The following NUP107 variants were observed in gnomAD, a reference collection of about 807,000 sequenced individuals.
NUP107 encodes nuclear pore complex protein Nup107.
Under a neutral mutation model 141.0 loss-of-function variants are expected in NUP107, and 101 were observed. The ratio of observed to expected loss-of-function variants is 0.72; its 90% CI spans 0.61 to 0.84. The LOEUF (loss-of-function observed/expected upper bound fraction) is 0.84. Among genes scored for constraint, NUP107 ranks in the 40% least tolerant of loss-of-function variants. NUP107 has a pLI of 0.00. For missense variants in NUP107, 941 were observed against 1,102.7 expected (o/e 0.85, Z 2.08); for synonymous variants, 319 against 363.9 (o/e 0.88, Z 1.41).
At chr12:68,693,145 T>G (rs906048237) in intron 5 of NUP107, among the ~76,000 whole-genome samples, 2 of 151,632 alleles carry the variant, frequency 1.3e-5, no homozygotes, top group African/African-American at 4.8e-5. Flanking sequence ...TGGTGCAATC[T>G]CGGCTCACTG....
At chr12:68,720,121 A>G (rs1260026663) in intron 14 of NUP107, among the ~76,000 whole-genome samples, 1 of 152,200 alleles carries the variant, frequency 6.6e-6, no homozygotes, top group Non-Finnish European at 1.5e-5. Flanking sequence ...AAGTCATCAC[A>G]ATGTACAACA....
At position 68,729,443 on chromosome 12, in the gene NUP107, A is replaced by AT. The variant is rs1225835896; in HGVS notation, c.1735-1656dup. ...TGACATACCTTTTTTTTTATTTTTT[A>AT]TTTTTTTTTTTGAGATGGAGTCTCA... On this transcript the variant is annotated intron_variant, in intron 20 of 27. Coordinates refer to ENST00000229179, the MANE Select transcript of NUP107 (RefSeq NM_020401.4). Among the ~76,000 whole-genome samples the AT allele has an allele frequency of 1.4e-3, 201 of 145,076 alleles. 2 individuals carry two copies. Among genetic ancestry groups the AT allele is most frequent in the South Asian group, 3.2e-3 (15 of 4,624 alleles).
intron 26 of NUP107, among the ~76,000 whole-genome samples, chr12:68,737,816 C>T (rs182521445): frequency 1.4e-3 from 209 of 152,260 alleles, no homozygotes; most frequent in Non-Finnish European, 2.3e-3. Flanking sequence ...AAGGCCCCTG[C>T]TAACACGTGT....
chr12:68,732,551 T>G, intron 22 of NUP107, 86 bp from the exon 23 acceptor site: 2 of 663,206 alleles, frequency 3.0e-6, no homozygotes, highest in Non-Finnish European at 5.0e-6. Flanking sequence ...GAAGTACAGG[T>G]GTAAGTTAAT....
At chr12:68,712,985 C>T (rs1876934146) in intron 10 of NUP107, among the ~76,000 whole-genome samples, 1 of 152,050 alleles carries the variant, frequency 6.6e-6, no homozygotes, top group Non-Finnish European at 1.5e-5. Context: ...ATCCTAGTAA[C>T]TTGAGAATAG....
chr12:68,714,747 A>G (rs1592507659), intron 11 of NUP107, among the ~76,000 whole-genome samples: 1 of 152,336 alleles, frequency 6.6e-6, no homozygotes, highest in East Asian at 1.9e-4. Context: ...AAGCACATGG[A>G]AAAAAGGTAG....
chr12:68,721,999 G>T lies in NUP107; in HGVS notation c.1457+13G>T. 6.2e-7 allele frequency: 1 copy of T among 1,613,138 alleles called. No individual in the cohort carries two copies. ...ATCTGGGAGCAAAGTGAGTTTGTTG[G>T]ATTGTTTTGAGTCATGGTGATTTGT... On this transcript the variant is annotated intron_variant, in intron 16 of 27. Transcript: ENST00000229179.
intron 8 of NUP107, 54 bp downstream of exon 8, chr12:68,702,838 C>A: frequency 9.6e-7 from 1 of 1,044,542 alleles, no homozygotes; most frequent in Non-Finnish European, 1.4e-6. Context: ...TAAAATGTTA[C>A]TAATAGGATT....
intron 23 of NUP107, 132 bp from the exon 24 acceptor site, chr12:68,733,320 C>G: frequency 4.2e-6 from 3 of 711,950 alleles, no homozygotes; most frequent in Non-Finnish European, 6.6e-6. Flanking sequence ...TCACCAAGAC[C>G]TTTAACAGAG....
At chr12:68,727,591 A>G (rs545835685) in intron 20 of NUP107, among the ~76,000 whole-genome samples, 1 of 152,294 alleles carries the variant, frequency 6.6e-6, no homozygotes, top group South Asian at 2.1e-4. Context: ...AAAATTCACT[A>G]TAACTTTTGA....
At chr12:68,737,403 A>G (rs1164063223) in intron 26 of NUP107, among the ~76,000 whole-genome samples, 2 of 151,914 alleles carry the variant, frequency 1.3e-5, no homozygotes, top group Non-Finnish European at 2.9e-5. Context: ...CGTTTCTACT[A>G]AAAATACAAA....
intron 1 of NUP107, among the ~76,000 whole-genome samples, chr12:68,688,393 G>C (rs1269210731): frequency 6.6e-6 from 1 of 152,122 alleles, no homozygotes; most frequent in Non-Finnish European, 1.5e-5. Context: ...GTTGTGATGG[G>C]ACAGGAGACC....
intron 10 of NUP107, among the ~76,000 whole-genome samples, chr12:68,712,351 C>T (rs543731455): frequency 1.8e-4 from 25 of 136,592 alleles, no homozygotes; most frequent in African/African-American, 6.0e-4. Context: ...GTCGTGGTGG[C>T]GGGCACCAGT....
chr12:68,720,553 C>T (rs758429233), intron 14 of NUP107, among the ~76,000 whole-genome samples: 50 of 152,044 alleles, frequency 3.3e-4, no homozygotes, highest in Non-Finnish European at 6.3e-4. Context: ...TGGTCAGGAC[C>T]GGTGATTAGA....
At position 68,743,613 on chromosome 12, in the gene NUP107, C is replaced by T. The variant is rs1217682850; in HGVS notation, c.*1151C>T. On this transcript the variant is annotated 3_prime_UTR_variant, in exon 28 of 28. Coordinates refer to ENST00000229179, the MANE Select transcript of NUP107 (RefSeq NM_020401.4). ...GGGCATTATTATGAACCAACAAATA[C>T]ACCAAATAGGCTAGAGTGTAGGGCT... 6.6e-6 allele frequency: 1 copy of T among 152,176 alleles called. No individual in the cohort carries two copies. The highest frequency in any genetic ancestry group is 2.4e-5 in the African/African-American group (1 of 41,438). 9.4% of individuals were successfully genotyped at this position (152,176 alleles called of 1,614,324 possible).
intron 8 of NUP107, among the ~76,000 whole-genome samples, chr12:68,703,422 G>T (rs1876430419): frequency 6.6e-6 from 1 of 150,936 alleles, no homozygotes; most frequent in African/African-American, 2.4e-5. Flanking sequence ...CATATAATAT[G>T]ATTTCATTTA....
chr12:68,692,590 CAA>C (rs66730715), intron 5 of NUP107, among the ~76,000 whole-genome samples: 2 of 140,822 alleles, frequency 1.4e-5, no homozygotes, highest in Non-Finnish European at 3.1e-5. Context: ...AAAAAAAAAA[CAA>C]AAAAAAAAAC....
chr12:68,700,901 C>T (rs775544722), intron 7 of NUP107, 48 bp downstream of exon 7: 1 of 1,460,446 alleles, frequency 6.8e-7, no homozygotes, highest in Non-Finnish European at 9.1e-7. Flanking sequence ...AGGTAATAAA[C>T]CAACAGGCAA....
intron 27 of NUP107, 132 bp downstream of exon 27, chr12:68,742,112 G>A (rs1376902073): frequency 7.5e-6 from 6 of 795,932 alleles, no homozygotes; most frequent in Non-Finnish European, 1.2e-5. Context: ...CAGTTTTAAT[G>A]TTTTAATGTT....
Sources: allele counts gnomAD v4.1 joint callset (sites outside exome capture counted in the v4.1 genomes callset), GRCh38; gene constraint gnomAD v4.1.1; transcripts MANE v1.5; gene names NCBI Gene and HGNC (gene_info 2026-07-23, HGNC 2026-07-21).